Variants in RERG observed in about 807,000 individuals in gnomAD.
The protein encoded by RERG is RAS like estrogen regulated growth inhibitor, also known as ras-related and estrogen-regulated growth inhibitor.
Under a neutral mutation model 23.2 loss-of-function variants are expected in RERG, and 25 were observed. The ratio of observed to expected loss-of-function variants is 1.08; its 90% CI spans 0.79 to 1.50. The LOEUF is 1.50. Among genes scored for constraint, RERG ranks in the 40% most tolerant of loss-of-function variants. RERG has a pLI of 0.00. For synonymous variants in RERG, 81 were observed against 89.1 expected, an observed-to-expected ratio of 0.91 and a Z score of 0.51; for missense variants, 253 against 250.1, an observed-to-expected ratio of 1.01 and a Z score of -0.08.
chr12:15,139,787 A>G (rs1002585594), intron 2 of RERG, among the ~76,000 whole-genome samples: 6 of 152,072 alleles, frequency 3.9e-5, no homozygotes, highest in African/African-American at 1.4e-4. Flanking sequence ...CTTCCTTCCC[A>G]ATCTGCGTAT....
intron 2 of RERG, among the ~76,000 whole-genome samples, chr12:15,150,982 T>C (rs1030294133): frequency 6.6e-6 from 1 of 152,222 alleles, no homozygotes; most frequent in Non-Finnish European, 1.5e-5. Context: ...ACATAATACA[T>C]GCAATATTGT....
intron 2 of RERG, chr12:15,151,900 AT>A (rs934948981): frequency 2.0e-5 from 3 of 152,180 alleles, no homozygotes; most frequent in Admixed American, 1.3e-4. Flanking sequence ...TGCTGCAACC[AT>A]TTGATTGGAA....
At chr12:15,191,473 T>C (rs11056396) in intron 2 of RERG, among the ~76,000 whole-genome samples, 17,125 of 152,088 alleles carry the variant, frequency 0.11, 978 homozygotes, top group Middle Eastern at 0.15. Flanking sequence ...TTTCAAATTG[T>C]AAATTTAATA....
chr12:15,137,666 A>C (rs1001945476), intron 2 of RERG, among the ~76,000 whole-genome samples: 16 of 152,008 alleles, frequency 1.1e-4, no homozygotes, highest in African/African-American at 3.4e-4. Flanking sequence ...ACCTTATAAT[A>C]ATAAAATAAT....
At chr12:15,131,832 G>C (rs1864053375) in intron 2 of RERG, among the ~76,000 whole-genome samples, 1 of 152,118 alleles carries the variant, frequency 6.6e-6, no homozygotes, top group Non-Finnish European at 1.5e-5. Context: ...TCTAGTCCAG[G>C]GGGAAAACCT....
intron 2 of RERG, among the ~76,000 whole-genome samples, chr12:15,203,630 C>G (rs1028858613): frequency 6.6e-6 from 1 of 151,434 alleles, no homozygotes; most frequent in Non-Finnish European, 1.5e-5. Flanking sequence ...AGTAAAATTA[C>G]CTCTGCAAAT....
intron 2 of RERG, among the ~76,000 whole-genome samples, chr12:15,159,288 C>G (rs1413143433): frequency 6.6e-6 from 1 of 152,182 alleles, no homozygotes; most frequent in African/African-American, 2.4e-5. Context: ...TGATAGGTCC[C>G]TACCATTTGT....
At chr12:15,144,533 A>G (rs1296374355) in intron 2 of RERG, among the ~76,000 whole-genome samples, 2 of 152,178 alleles carry the variant, frequency 1.3e-5, no homozygotes, top group African/African-American at 2.4e-5. Flanking sequence ...CTGTGCAAAG[A>G]AGGTTTTTCA....
chr12:15,204,858 T>C (rs1413537472), intron 2 of RERG, among the ~76,000 whole-genome samples: 2 of 151,940 alleles, frequency 1.3e-5, no homozygotes, highest in Non-Finnish European at 2.9e-5. Flanking sequence ...AGCTCTGTCA[T>C]TTCTTAAAGT....
chr12:15,195,270 C>G (rs1361631073), intron 2 of RERG, among the ~76,000 whole-genome samples: 5 of 152,064 alleles, frequency 3.3e-5, no homozygotes, highest in Non-Finnish European at 7.4e-5. Flanking sequence ...TGAGCCCAAG[C>G]TGTCACAAAT....
At chr12:15,122,971 G>C (rs1264392704) in intron 2 of RERG, among the ~76,000 whole-genome samples, 3 of 151,884 alleles carry the variant, frequency 2.0e-5, no homozygotes, top group Non-Finnish European at 4.4e-5. Flanking sequence ...GCTAATTTTT[G>C]TATTTTTAGT....
Position 15,213,439 on chromosome 12 carries a change from C to T in RERG, c.61+3990G>A, listed in dbSNP as rs544421652. On this transcript the variant is annotated intron_variant, in intron 2 of 4. Coordinates refer to ENST00000256953, the MANE Select transcript of RERG (RefSeq NM_032918.3). ...TAGCCAATGAAAGTAAATGTTTACC[C>T]GGCTGGGGCAAGAAAAGATAGAAAG... Among the ~76,000 whole-genome samples the T allele has an allele frequency of 2.6e-5, 4 of 152,266 alleles. No individual in the cohort carries two copies. The South Asian group carries it at 8.3e-4, about 32-fold the overall frequency.
At chr12:15,116,302 G>A (rs1200811479) in intron 3 of RERG, among the ~76,000 whole-genome samples, 1 of 152,142 alleles carries the variant, frequency 6.6e-6, no homozygotes, top group Non-Finnish European at 1.5e-5. Context: ...GAAAAGACTG[G>A]CATCAGCCCC....
chr12:15,195,678 C>T (rs1030853212), intron 2 of RERG, among the ~76,000 whole-genome samples: 12 of 151,410 alleles, frequency 7.9e-5, no homozygotes, highest in Admixed American at 2.6e-4. Flanking sequence ...AATTGAACTG[C>T]GGTCAAAGGA....
At chr12:15,185,110 ATTAAATAATGCTCATTCCCCTGAAATATT>A (rs539775730) in intron 2 of RERG, among the ~76,000 whole-genome samples, 13 of 152,300 alleles carry the variant, frequency 8.5e-5, no homozygotes, top group Admixed American at 2.0e-4. Context: ...CTATGTTTAT[ATTAAATAATGCTCATTCCCCTGAAATATT>A]TAATCTTAGA....
At chr12:15,112,806 G>A (rs1206948701) in intron 3 of RERG, among the ~76,000 whole-genome samples, 2 of 152,182 alleles carry the variant, frequency 1.3e-5, no homozygotes, top group African/African-American at 2.4e-5. Flanking sequence ...AAAATACATA[G>A]AGGAGTGGAA....
chr12:15,184,948 G>A (rs1864970018), intron 2 of RERG, among the ~76,000 whole-genome samples: 1 of 152,020 alleles, frequency 6.6e-6, no homozygotes, highest in African/African-American at 2.4e-5. Context: ...CATTCCAATG[G>A]AAAGTGACAA....
chr12:15,133,725 GTT>G (rs549271423), intron 2 of RERG, among the ~76,000 whole-genome samples: 133 of 135,002 alleles, frequency 9.9e-4, no homozygotes, highest in African/African-American at 2.6e-3. Flanking sequence ...TGACTGAGAG[GTT>G]TTTTTTTTTT....
At chr12:15,113,220 C>G (rs1436725422) in intron 3 of RERG, among the ~76,000 whole-genome samples, 4 of 151,676 alleles carry the variant, frequency 2.6e-5, no homozygotes, top group African/African-American at 9.7e-5. Flanking sequence ...TCTTAAAAAT[C>G]TAGAAAAAGT....
Sources: gnomAD v4.1 joint callset for allele counts (sites outside exome capture counted in the v4.1 genomes callset) on GRCh38, gnomAD v4.1.1 for gene constraint, MANE v1.5 for transcripts, NCBI Gene and HGNC (gene_info 2026-07-23, HGNC 2026-07-21) for gene names.